The following CHD7 variants were observed in gnomAD, a reference collection of about 807,000 sequenced individuals.
The protein encoded by CHD7 is ATP-dependent chromatin remodeler CHD7.
A neutral mutation model predicts 307.3 loss-of-function variants in CHD7; 24 were observed. That is an observed-to-expected ratio of 0.08 (90% CI 0.06 to 0.11). The LOEUF is 0.11. Ranked by LOEUF, CHD7 falls within the 10% of genes least tolerant of loss-of-function variation. The pLI is 1.00. For missense variants in CHD7, 3,106 were observed against 3,727.1 expected, an observed-to-expected ratio of 0.83 and a Z score of 4.34; for synonymous variants, 1,363 against 1,349.9, an observed-to-expected ratio of 1.01 and a Z score of -0.21.
At chr8:60,829,226 C>G (rs932810763) in intron 14 of CHD7, among the ~76,000 whole-genome samples, 1 of 152,192 alleles carries the variant, frequency 6.6e-6, no homozygotes, top group African/African-American at 2.4e-5. Flanking sequence ...CTTCTTCAAG[C>G]CTACGTATTT....
At chr8:60,764,200 A>T (rs1810360513) in intron 2 of CHD7, among the ~76,000 whole-genome samples, 1 of 152,110 alleles carries the variant, frequency 6.6e-6, no homozygotes, top group Non-Finnish European at 1.5e-5. Context: ...CATGTTAGCC[A>T]GGGTGGTCTC....
At chr8:60,738,044 G>GT (rs1808795570) in intron 1 of CHD7, among the ~76,000 whole-genome samples, 1 of 152,190 alleles carries the variant, frequency 6.6e-6, no homozygotes, top group Non-Finnish European at 1.5e-5. Context: ...CAACTTGAAT[G>GT]TTTATTACCC....
intron 1 of CHD7, among the ~76,000 whole-genome samples, chr8:60,680,075 T>C (rs1414770268): frequency 6.6e-6 from 1 of 151,134 alleles, no homozygotes; most frequent in Non-Finnish European, 1.5e-5. Flanking sequence ...ATAGCGACTT[T>C]AACCTTCCAA....
chr8:60,860,673 G>A (rs1334360655), intron 34 of CHD7, among the ~76,000 whole-genome samples: 2 of 152,216 alleles, frequency 1.3e-5, no homozygotes, highest in African/African-American at 4.8e-5. Flanking sequence ...GACCTCAGGT[G>A]ATCCGCCCAC....
At chr8:60,776,699 G>C (rs1335713766) in intron 2 of CHD7, among the ~76,000 whole-genome samples, 1 of 152,076 alleles carries the variant, frequency 6.6e-6, no homozygotes, top group African/African-American at 2.4e-5. Flanking sequence ...TTTTATCAGT[G>C]TCATTGTTAT....
chr8:60,691,694 TAC>T (rs1806202594), intron 1 of CHD7, among the ~76,000 whole-genome samples: 1 of 152,226 alleles, frequency 6.6e-6, no homozygotes, highest in Admixed American at 6.5e-5. Flanking sequence ...ATTAAGAAGG[TAC>T]AGAGTTGTTT....
chr8:60,779,643 A>T (rs1430761179), intron 2 of CHD7, among the ~76,000 whole-genome samples: 1 of 152,168 alleles, frequency 6.6e-6, no homozygotes, highest in Admixed American at 6.5e-5. Context: ...CTGTATTTTA[A>T]TGTTTGATTC....
At chr8:60,814,890 A>T (rs1316720429) in intron 7 of CHD7, among the ~76,000 whole-genome samples, 1 of 152,228 alleles carries the variant, frequency 6.6e-6, no homozygotes, top group Non-Finnish European at 1.5e-5. Flanking sequence ...TCAAATTCAG[A>T]ATATTTGCAT....
chr8:60,835,952 C>T (rs1025672878), intron 15 of CHD7, 121 bp from the exon 16 acceptor site: 1 of 695,190 alleles, frequency 1.4e-6, no homozygotes, highest in Non-Finnish European at 2.4e-6. Flanking sequence ...GATTCTTGTT[C>T]ATAAGCAGGA....
rs535472477 is a variant in CHD7 at position 60,737,922 on chromosome 8, C to A, written c.-174-3337C>A. On this transcript the variant is annotated intron_variant, in intron 1 of 37. Transcript: ENST00000423902. ...TTTTGTTTTATTCACAGATCTCTCT[C>A]CAGCTCTTAGACTAGTGCCTGGATC... is the stretch of plus-strand genomic sequence containing the variant. Among the ~76,000 whole-genome samples the A allele has an allele frequency of 2.0e-5, 3 of 152,290 alleles. No homozygotes were observed. In the South Asian group the frequency reaches 6.2e-4, roughly 32 times the overall value.
Position 60,750,770 on chromosome 8 carries a change from T to TG in CHD7, c.1665+7674dup, listed in dbSNP as rs1809604951. 2.0e-5 allele frequency among the ~76,000 whole-genome samples: 3 copies of TG among 152,060 alleles called. No homozygotes were observed. In the South Asian group the frequency reaches 6.2e-4, roughly 32 times the overall value. ...TGGTGGCTGCATATTAAACAGCACA[T>TG]GCTAGACTCTTTCCCTATCAGTTGC... On this transcript the variant is annotated intron_variant, in intron 2 of 37. Coordinates refer to ENST00000423902, the MANE Select transcript of CHD7 (RefSeq NM_017780.4).
chr8:60,784,223 T>G (rs1811388917), intron 3 of CHD7, among the ~76,000 whole-genome samples: 1 of 152,228 alleles, frequency 6.6e-6, no homozygotes, highest in Non-Finnish European at 1.5e-5. Flanking sequence ...CAGTTTGCTT[T>G]TAAGCACTGG....
intron 2 of CHD7, among the ~76,000 whole-genome samples, chr8:60,769,175 A>G (rs1810602188): frequency 6.6e-6 from 1 of 152,334 alleles, no homozygotes; most frequent in African/African-American, 2.4e-5. Flanking sequence ...AACTCTAACT[A>G]AGGCTGCTGA....
In CHD7 at chr8:60,853,395, G is replaced by A. The variant is rs758745100; in HGVS notation, c.6670G>A (p.Gly2224Ser). Residue 2224 changes from glycine (G) to serine (S), a missense_variant, in exon 31 of 38, where the codon GGC becomes AGC. Gly to Ser is a moderately conservative substitution (Grantham distance 56). Coordinates refer to ENST00000423902, the MANE Select transcript of CHD7 (RefSeq NM_017780.4). ...AAATGAACTGAAAGGTGTTGAGGTC[G>A]GCGCAGACACTGGGTCCAAATCTAT... The part of the protein sequence containing the change: ...VKNELKGVEV[G>S]ADTGSKSISE... 8.5e-6 allele frequency: 13 copies of A among 1,536,464 alleles called. No individual in the cohort carries two copies. In the Admixed American group the frequency reaches 8.5e-5, roughly 10 times the overall value.
At chr8:60,863,728 CTT>C (rs916844789) in intron 37 of CHD7, 1 of 142,782 alleles carries the variant, frequency 7.0e-6, no homozygotes, top group Admixed American at 7.0e-5. Context: ...CATACAATAT[CTT>C]TTTTTTTCTT....
chr8:60,741,734 C>T lies in CHD7; in HGVS notation c.302C>T (p.Pro101Leu), dbSNP rs769161426. Residue 101 changes from proline to leucine, a missense_variant, in exon 2 of 38, where the codon CCG (proline) becomes CTG (leucine). Pro to Leu is a moderately conservative substitution (Grantham distance 98, BLOSUM62 -3). Around this residue, in one of 10 missense-constraint regions of CHD7, gnomAD observed 998 missense variants for 1,004.5 expected, o/e 0.99. Transcript: ENST00000423902. ...ACCCCTGGGAACGGACTCGCGTCTCCGCACTCGCAGTATCACACCCCTCCC... is the reference window on the plus strand; with the variant it reads ...ACCCCTGGGAACGGACTCGCGTCTCTGCACTCGCAGTATCACACCCCTCCC... ...SNTPGNGLASPHSQYHTPPVP... is the reference protein window; with the variant it reads ...SNTPGNGLASLHSQYHTPPVP... 15 of 1,613,828 alleles carry T rather than the reference C, an allele frequency of 9.3e-6. No individual in the cohort carries two copies. Among genetic ancestry groups the T allele is most frequent in the South Asian group, 2.2e-5 (2 of 91,064 alleles).
intron 1 of CHD7, among the ~76,000 whole-genome samples, chr8:60,700,876 G>T (rs1219523410): frequency 1.3e-5 from 2 of 152,210 alleles, no homozygotes; most frequent in Non-Finnish European, 2.9e-5. Flanking sequence ...GACGTCAGGG[G>T]TACAGCTTTG....
intron 1 of CHD7, among the ~76,000 whole-genome samples, chr8:60,702,962 GAA>G (rs1260968860): frequency 6.6e-6 from 1 of 152,202 alleles, no homozygotes; most frequent in East Asian, 1.9e-4. Context: ...TGGCAGAAAA[GAA>G]GGCCGCTCTG....
intron 31 of CHD7, 135 bp from the exon 32 acceptor site, chr8:60,854,228 A>G: frequency 1.5e-6 from 1 of 688,922 alleles, no homozygotes; most frequent in East Asian, 2.7e-5. Flanking sequence ...ACAGTGCCCA[A>G]TACCATTCTA....
Sources: gnomAD v4.1 joint callset for allele counts (sites outside exome capture counted in the v4.1 genomes callset) on GRCh38, gnomAD v4.1.1 for gene constraint, gnomAD v4.1.1 regional missense constraint, MANE v1.5 for transcripts, NCBI Gene and HGNC (gene_info 2026-07-23, HGNC 2026-07-21) for gene names.